The following FAM47E variants were observed in gnomAD, a reference collection of about 807,000 sequenced individuals.
FAM47E encodes protein FAM47E.
FAM47E carries 32 observed loss-of-function variants against 41.6 expected under a neutral mutation model. The ratio of observed to expected loss-of-function variants is 0.77; its 90% CI spans 0.58 to 1.03. The LOEUF is 1.03. FAM47E is among the 50% of genes least tolerant of loss of function. The probability of loss-of-function intolerance (pLI) is 0.00; values close to 1 mark genes in which losing one functional copy is unlikely to be tolerated. For missense variants in FAM47E, 424 were observed against 485.4 expected (o/e 0.87, Z 1.19); for synonymous variants, 184 against 188.7 (o/e 0.98, Z 0.20).
intron 1 of FAM47E, 45 bp from the exon 2 acceptor site, chr4:76,256,133 G>C: frequency 6.6e-7 from 1 of 1,525,140 alleles, no homozygotes; most frequent in African/African-American, 1.4e-5. Context: ...AATATGAACA[G>C]GCATGTGGTA....
chr4:76,271,857 T>C, intron 5 of FAM47E, 89 bp downstream of exon 5: 1 of 1,394,234 alleles, frequency 7.2e-7, no homozygotes, highest in Non-Finnish European at 9.5e-7. Flanking sequence ...GTGTCATGGG[T>C]ACTGGTTTTT....
intron 2 of FAM47E, among the ~76,000 whole-genome samples, chr4:76,237,682 C>A (rs1179048338): frequency 6.6e-6 from 1 of 152,176 alleles, no homozygotes. Flanking sequence ...ATGCTGGCAT[C>A]TGCTTAGCTT....
At chr4:76,247,427 G>A (rs536435501), upstream of FAM47E, among the ~76,000 whole-genome samples, 72 of 152,190 alleles carry the variant, frequency 4.7e-4, 2 homozygotes, top group South Asian at 0.014. Flanking sequence ...CTGAGTTCCT[G>A]TTGTTAATTC....
At chr4:76,217,464 G>C (rs1363163613) in intron 1 of FAM47E, 2 of 406,994 alleles carry the variant, frequency 4.9e-6, no homozygotes, top group African/African-American at 4.1e-5. Flanking sequence ...CCTCAGGCAT[G>C]AGTGAGTTGT....
chr4:76,271,784 G>T lies in FAM47E; in HGVS notation c.870+16G>T. The T allele has an allele frequency of 6.5e-7, 1 of 1,542,982 alleles. No individual in the cohort carries two copies. Among genetic ancestry groups the T allele is most frequent in the Non-Finnish European group, 8.7e-7 (1 of 1,143,156 alleles). ...GAAACCACAGGTAATTGCAGAAGGG[G>T]ACCAGACCGAAAATCAAAGAAAATT... On this transcript the variant is annotated intron_variant, in intron 5 of 7. Coordinates refer to ENST00000424749, the MANE Select transcript of FAM47E (RefSeq NM_001136570.3).
chr4:76,243,696 C>CA (rs1733759665), intron 2 of FAM47E, among the ~76,000 whole-genome samples: 1 of 152,142 alleles, frequency 6.6e-6, no homozygotes, highest in Non-Finnish European at 1.5e-5. Flanking sequence ...CATAGGCAGT[C>CA]ATTCTTTTTA....
chr4:76,237,554 G>T (rs1409638431), intron 2 of FAM47E, among the ~76,000 whole-genome samples: 1 of 152,090 alleles, frequency 6.6e-6, no homozygotes, highest in Non-Finnish European at 1.5e-5. Flanking sequence ...AAACCAAGGA[G>T]TTTGGACCCT....
intron 7 of FAM47E, chr4:76,282,320 G>T (rs1392914364): frequency 2.6e-5 from 4 of 152,148 alleles, no homozygotes; most frequent in Non-Finnish European, 5.9e-5. Flanking sequence ...GCCTAGAAGA[G>T]CTGTGGCAAG....
intron 2 of FAM47E, among the ~76,000 whole-genome samples, chr4:76,244,426 T>A (rs1339958712): frequency 6.6e-6 from 1 of 152,110 alleles, no homozygotes; most frequent in Non-Finnish European, 1.5e-5. Flanking sequence ...TTTTTAATGA[T>A]CATCATTCTA....
intron 2 of FAM47E, among the ~76,000 whole-genome samples, chr4:76,232,923 T>C (rs985544813): frequency 2.0e-5 from 3 of 152,208 alleles, no homozygotes; most frequent in African/African-American, 7.2e-5. Flanking sequence ...AATAACCCTT[T>C]TGAATTTAGT....
chr4:76,227,309 C>G (rs1733415243), intron 2 of FAM47E, among the ~76,000 whole-genome samples: 2 of 152,252 alleles, frequency 1.3e-5, no homozygotes, highest in African/African-American at 4.8e-5. Flanking sequence ...AAAGATCATT[C>G]AGGAGTAGAT....
intron 1 of FAM47E, among the ~76,000 whole-genome samples, chr4:76,215,771 T>C (rs983199344): frequency 6.6e-6 from 1 of 151,912 alleles, no homozygotes; most frequent in Non-Finnish European, 1.5e-5. Context: ...AAGCCCTGAG[T>C]CTGTAGGAAG....
At chr4:76,239,984 C>G (rs1286186601) in intron 2 of FAM47E, among the ~76,000 whole-genome samples, 2 of 152,142 alleles carry the variant, frequency 1.3e-5, no homozygotes, top group African/African-American at 4.8e-5. Context: ...AAAAGATCAT[C>G]TTTTCCCCAT....
At chr4:76,214,141 T>C (rs1733150017) in exon 1 of FAM47E, 3 of 443,858 alleles carry the variant, frequency 6.8e-6, no homozygotes. Flanking sequence ...GGGCCTCCCA[T>C]GGGCCACGCG....
At chr4:76,253,488 GT>G (rs1734058255) in intron 1 of FAM47E, among the ~76,000 whole-genome samples, 1 of 152,124 alleles carries the variant, frequency 6.6e-6, no homozygotes. Flanking sequence ...ATTGTTTCCA[GT>G]TTTATTTTAT....
intron 1 of FAM47E, chr4:76,214,480 T>C: frequency 5.5e-6 from 2 of 364,614 alleles, no homozygotes; most frequent in Non-Finnish European, 1.1e-5. Flanking sequence ...AAGAAGGAAG[T>C]TCCTTTTGAC....
chr4:76,271,545 C>G (rs1428705216), intron 4 of FAM47E, 23 bp from the exon 5 acceptor site: 2 of 1,550,940 alleles, frequency 1.3e-6, no homozygotes, highest in South Asian at 2.4e-5. Context: ...GCCCTCAATT[C>G]ATGCAATGTG....
chr4:76,272,311 G>A (rs1734925662), intron 5 of FAM47E, among the ~76,000 whole-genome samples: 1 of 152,168 alleles, frequency 6.6e-6, no homozygotes, highest in African/African-American at 2.4e-5. Context: ...GGCCCCTAAA[G>A]TACTATTTAC....
At chr4:76,267,271 G>T (rs751819849) in intron 3 of FAM47E, among the ~76,000 whole-genome samples, 2 of 152,184 alleles carry the variant, frequency 1.3e-5, no homozygotes, top group Non-Finnish European at 2.9e-5. Flanking sequence ...GTAGCTTCAG[G>T]GGACAGCTTG....
Sources: allele counts gnomAD v4.1 joint callset (sites outside exome capture counted in the v4.1 genomes callset), GRCh38; gene constraint gnomAD v4.1.1; transcripts MANE v1.5; gene names NCBI Gene and HGNC (gene_info 2026-07-23, HGNC 2026-07-21).